Variants in HFM1 observed in about 807,000 individuals in gnomAD.
The protein encoded by HFM1 is probable ATP-dependent DNA helicase HFM1.
In HFM1, 169 loss-of-function variants were observed where a neutral mutation model predicts 192.1. The observed-to-expected ratio is 0.88, with a 90% CI of 0.78 to 1.00. HFM1 has a LOEUF of 1.00. HFM1 is among the 50% of genes least tolerant of loss of function. The pLI, the probability that HFM1 is intolerant of heterozygous loss-of-function variation, is 0.00. For synonymous variants in HFM1, 525 were observed against 537.8 expected (o/e 0.98, Z 0.33); for missense variants, 1,661 against 1,668.0 (o/e 1.00, Z 0.07).
intron 11 of HFM1, among the ~76,000 whole-genome samples, chr1:91,377,251 C>CA (rs1170070083): frequency 2.0e-5 from 3 of 151,534 alleles, no homozygotes; most frequent in Non-Finnish European, 3.0e-5. Context: ...AAAATATGAA[C>CA]AAAACAAGTT....
chr1:91,402,432 C>A (rs1207772976), intron 1 of HFM1, among the ~76,000 whole-genome samples: 2 of 152,084 alleles, frequency 1.3e-5, no homozygotes, highest in East Asian at 1.9e-4. Context: ...TCATTTTTCT[C>A]TATCTATTAA....
intron 5 of HFM1, 91 bp downstream of exon 5, chr1:91,385,484 T>A (rs370712971): frequency 2.1e-5 from 23 of 1,100,224 alleles, no homozygotes; most frequent in Non-Finnish European, 2.9e-5. Context: ...GATAATTTAC[T>A]CAAATTTACT....
At chr1:91,397,361 G>A (rs565335696) in intron 2 of HFM1, among the ~76,000 whole-genome samples, 3 of 152,212 alleles carry the variant, frequency 2.0e-5, no homozygotes, top group African/African-American at 7.2e-5. Flanking sequence ...TGCTTTAATG[G>A]TTCCTTTCCC....
At chr1:91,400,828 C>T (rs910605677) in intron 2 of HFM1, among the ~76,000 whole-genome samples, 184 bp downstream of exon 2, 1 of 152,168 alleles carries the variant, frequency 6.6e-6, no homozygotes, top group Non-Finnish European at 1.5e-5. Flanking sequence ...AGATGTTAAA[C>T]TTCAGTTACT....
chr1:91,299,213 C>G (rs566956021), intron 30 of HFM1, among the ~76,000 whole-genome samples: 1 of 152,292 alleles, frequency 6.6e-6, no homozygotes, highest in South Asian at 2.1e-4. Context: ...GTAAAGGGAT[C>G]AATTCAACAA....
rs934437269 is a variant in HFM1, at chr1:91,390,437, A to G, written c.494+3656T>C. ...GGTGACAGAGTAAGACTCCCAAAGAAAAAAAAAAAAAGAGAGAAAGAAAGG... is the reference window on the plus strand; with the variant it reads ...GGTGACAGAGTAAGACTCCCAAAGAGAAAAAAAAAAAGAGAGAAAGAAAGG... On this transcript the variant is annotated intron_variant, in intron 4 of 38. Coordinates refer to ENST00000370425, the MANE Select transcript of HFM1 (RefSeq NM_001017975.6). 4.6e-5 allele frequency among the ~76,000 whole-genome samples: 7 copies of G among 151,526 alleles called. No homozygotes were observed. The East Asian group carries it at 5.8e-4, about 13-fold the overall frequency.
chr1:91,378,686 C>T (rs145399551), intron 9 of HFM1, among the ~76,000 whole-genome samples: 62 of 152,006 alleles, frequency 4.1e-4, no homozygotes, highest in African/African-American at 1.4e-3. Flanking sequence ...AAACTGGGCC[C>T]TCAATTGTTT....
chr1:91,397,120 C>T (rs1663756109), intron 2 of HFM1, among the ~76,000 whole-genome samples: 1 of 152,156 alleles, frequency 6.6e-6, no homozygotes, highest in Non-Finnish European at 1.5e-5. Flanking sequence ...GTGTCTGGTG[C>T]CAAGAAGGTT....
chr1:91,367,409 C>T (rs538444034), intron 13 of HFM1, among the ~76,000 whole-genome samples: 2 of 152,282 alleles, frequency 1.3e-5, no homozygotes, highest in African/African-American at 4.8e-5. Context: ...GACAAAACTT[C>T]CAGAGGAACA....
At chr1:91,345,667 C>T (rs1046995900) in intron 19 of HFM1, among the ~76,000 whole-genome samples, 21 of 152,120 alleles carry the variant, frequency 1.4e-4, no homozygotes, top group Non-Finnish European at 1.2e-4. Context: ...ACAAGAAAGT[C>T]ACTCTGATCT....
chr1:91,266,222 A>G (rs1665756927), intron 35 of HFM1, 115 bp from the exon 36 acceptor site: 1 of 759,386 alleles, frequency 1.3e-6, no homozygotes, highest in Admixed American at 3.2e-5. Flanking sequence ...GAAGGAATGA[A>G]TAATTCTCAG....
chr1:91,319,448 T>C, intron 23 of HFM1, 58 bp from the exon 24 acceptor site: 1 of 1,039,630 alleles, frequency 9.6e-7, no homozygotes, highest in East Asian at 2.4e-5. Flanking sequence ...CTCCCAGTAT[T>C]TGATATCACT....
chr1:91,314,426 T>C (rs920646134), intron 28 of HFM1, among the ~76,000 whole-genome samples: 7 of 152,094 alleles, frequency 4.6e-5, no homozygotes, highest in African/African-American at 1.7e-4. Flanking sequence ...AGATTATTTA[T>C]TTATTTATTT....
At chr1:91,370,757 A>G (rs1660074607) in intron 13 of HFM1, among the ~76,000 whole-genome samples, 1 of 152,164 alleles carries the variant, frequency 6.6e-6, no homozygotes. Context: ...CAGGCAGGAG[A>G]AAGAAATAAA....
At chr1:91,357,413 T>C (rs888840320) in intron 13 of HFM1, among the ~76,000 whole-genome samples, 1 of 152,138 alleles carries the variant, frequency 6.6e-6, no homozygotes, top group Non-Finnish European at 1.5e-5. Flanking sequence ...CCTTTCTTGA[T>C]AAAATCTCTT....
intron 1 of HFM1, 104 bp from the exon 2 acceptor site, chr1:91,401,213 C>T: frequency 1.7e-6 from 1 of 589,452 alleles, no homozygotes; most frequent in South Asian, 2.2e-5. Flanking sequence ...AATATAACCA[C>T]AGACTATCCT....
chr1:91,341,398 C>T (rs1655312829), intron 20 of HFM1, among the ~76,000 whole-genome samples: 1 of 152,064 alleles, frequency 6.6e-6, no homozygotes, highest in Admixed American at 6.6e-5. Flanking sequence ...AAAACAAAGG[C>T]AGAACATAGC....
intron 35 of HFM1, among the ~76,000 whole-genome samples, 179 bp from the exon 36 acceptor site, chr1:91,266,286 A>T (rs965846848): frequency 6.6e-6 from 1 of 152,210 alleles, no homozygotes; most frequent in Admixed American, 6.5e-5. Context: ...AAGGGAGTAA[A>T]ACTCTAAAAC....
chr1:91,270,052 G>A (rs1472032328), intron 34 of HFM1, among the ~76,000 whole-genome samples: 1 of 152,128 alleles, frequency 6.6e-6, no homozygotes, highest in Non-Finnish European at 1.5e-5. Context: ...TGTTTCAGCA[G>A]AAGGTTTACA....
Sources: gnomAD v4.1 joint callset for allele counts (sites outside exome capture counted in the v4.1 genomes callset) on GRCh38, gnomAD v4.1.1 for gene constraint, MANE v1.5 for transcripts, NCBI Gene and HGNC (gene_info 2026-07-23, HGNC 2026-07-21) for gene names.